FAM3C: variants seen among roughly 807,000 people sequenced by gnomAD.
The protein encoded by FAM3C is protein FAM3C.
FAM3C carries 15 observed loss-of-function variants against 32.5 expected under a neutral mutation model. That is an observed-to-expected ratio of 0.46 (90% CI 0.31 to 0.71). The LOEUF (loss-of-function observed/expected upper bound fraction) is 0.71. FAM3C is among the 30% of genes least tolerant of loss of function. The pLI is 0.05. For missense variants in FAM3C, 175 were observed against 274.4 expected (o/e 0.64, Z 2.56); for synonymous variants, 75 against 86.1 (o/e 0.87, Z 0.72).
At position 121,350,110 on chromosome 7, in the gene FAM3C, A is replaced by G. The variant is rs1302015666; in HGVS notation, c.*351T>C. On this transcript the variant is annotated 3_prime_UTR_variant, in exon 10 of 10. Transcript: ENST00000359943. ...TCCACCCTAAAATCCCTATTATTCC[A>G]TGATATTTTCATAGCAACTAGTATA... The G allele has an allele frequency of 9.6e-6, 2 of 209,376 alleles. No individual in the cohort carries two copies. The highest frequency in any genetic ancestry group is 2.7e-5 in the African/African-American group (1 of 36,884). The allele number at this position is 209,376 out of a possible 1,614,324, so 13.0% of individuals were successfully genotyped here.
chr7:121,384,358 A>G (rs1794423385), intron 1 of FAM3C, among the ~76,000 whole-genome samples: 2 of 152,214 alleles, frequency 1.3e-5, no homozygotes, highest in African/African-American at 2.4e-5. Context: ...ATAAAAGCAG[A>G]AAAAAACCTC....
chr7:121,356,124 A>G (rs543830732), intron 8 of FAM3C, among the ~76,000 whole-genome samples: 114 of 152,256 alleles, frequency 7.5e-4, no homozygotes, highest in Non-Finnish European at 1.4e-3. Context: ...ATGTAATGTG[A>G]CTGTTTAAAG....
At chr7:121,361,518 T>C (rs1302319349) in intron 7 of FAM3C, among the ~76,000 whole-genome samples, 1 of 152,202 alleles carries the variant, frequency 6.6e-6, no homozygotes, top group East Asian at 1.9e-4. Context: ...ACATGACTGA[T>C]TTCAACAACA....
At chr7:121,382,914 T>A in intron 2 of FAM3C, 43 bp downstream of exon 2, 1 of 1,482,390 alleles carries the variant, frequency 6.7e-7, no homozygotes, top group Non-Finnish European at 9.3e-7. Flanking sequence ...ACAAACAGGT[T>A]ACACAAAAAG....
chr7:121,394,080 T>C (rs1794635384), intron 1 of FAM3C, among the ~76,000 whole-genome samples: 1 of 152,220 alleles, frequency 6.6e-6, no homozygotes. Context: ...GAAAATAAAG[T>C]AGCTTTGTGA....
chr7:121,382,891 T>C, intron 2 of FAM3C, 66 bp downstream of exon 2: 3 of 1,159,886 alleles, frequency 2.6e-6, no homozygotes, highest in Non-Finnish European at 3.8e-6. Flanking sequence ...ACCTCTCCTT[T>C]AGTTATTCTT....
At chr7:121,368,397 T>C (rs1397310808) in intron 5 of FAM3C, among the ~76,000 whole-genome samples, 1 of 152,216 alleles carries the variant, frequency 6.6e-6, no homozygotes, top group African/African-American at 2.4e-5. Context: ...GAGCAGGTGC[T>C]GTGAAAAGAC....
At chr7:121,362,682 A>T in intron 7 of FAM3C, 1 of 505,486 alleles carries the variant, frequency 2.0e-6, no homozygotes, top group South Asian at 3.0e-5. Context: ...ACTATCTTCA[A>T]TTATACACCA....
intron 1 of FAM3C, among the ~76,000 whole-genome samples, chr7:121,384,013 T>A (rs1794414118): frequency 6.6e-6 from 1 of 152,142 alleles, no homozygotes; most frequent in South Asian, 2.1e-4. Flanking sequence ...TAATGGCACA[T>A]CTCTGAAGGA....
rs1562888227 is a variant in FAM3C at position 121,371,434 on chromosome 7, GA to G, written c.149-12del. On this transcript the variant is annotated splice_polypyrimidine_tract_variant and intron_variant, in intron 4 of 9. Coordinates refer to ENST00000359943, the MANE Select transcript of FAM3C (RefSeq NM_014888.3). ...TGGGAGGCTTTGTAGCTTTGGGGGAGAAAACATGATGTCTTTTTTTAGAAAA... is the reference window on the plus strand; with the variant it reads ...TGGGAGGCTTTGTAGCTTTGGGGGAGAAACATGATGTCTTTTTTTAGAAAA... The G allele has an allele frequency of 6.2e-7, 1 of 1,612,358 alleles. No homozygotes were observed. Among genetic ancestry groups the G allele is most frequent in the Non-Finnish European group, 8.5e-7 (1 of 1,178,866 alleles).
intron 1 of FAM3C, among the ~76,000 whole-genome samples, chr7:121,391,327 T>C (rs553878620): frequency 1.3e-5 from 2 of 152,230 alleles, no homozygotes; most frequent in Non-Finnish European, 2.9e-5. Context: ...CAGGGAGAGA[T>C]GGATAGATGA....
intron 8 of FAM3C, among the ~76,000 whole-genome samples, chr7:121,354,818 C>G (rs2707491): frequency 6.6e-6 from 1 of 151,908 alleles, no homozygotes; most frequent in East Asian, 1.9e-4. Flanking sequence ...CGACTCTTTA[C>G]AAACAAACAG....
intron 1 of FAM3C, among the ~76,000 whole-genome samples, chr7:121,386,587 C>T (rs1388267033): frequency 6.6e-6 from 1 of 151,454 alleles, no homozygotes; most frequent in African/African-American, 2.4e-5. Context: ...CACGCACATA[C>T]AAATCATATA....
At chr7:121,388,260 A>ACACACT (rs756605972) in intron 1 of FAM3C, among the ~76,000 whole-genome samples, 11 of 149,926 alleles carry the variant, frequency 7.3e-5, no homozygotes. Context: ...ACACACACAC[A>ACACACT]CTCACACACT....
At chr7:121,380,733 T>TTTTATATA (rs1554375242) in intron 2 of FAM3C, among the ~76,000 whole-genome samples, 1 of 133,982 alleles carries the variant, frequency 7.5e-6, no homozygotes, top group African/African-American at 2.7e-5. Flanking sequence ...TACAAACATT[T>TTTTATATA]TATATATATA....
Position 121,362,884 on chromosome 7 carries a change from T to C in FAM3C, c.382+13A>G. 1 of 1,482,974 alleles carries C rather than the reference T, an allele frequency of 6.7e-7. No homozygotes were observed. Among genetic ancestry groups the C allele is most frequent in the South Asian group, 1.2e-5 (1 of 86,772 alleles). 91.9% of individuals were successfully genotyped at this position (1,482,974 alleles called of 1,614,324 possible). A position where few individuals can be genotyped will look rare whatever the true frequency, so the allele number is the denominator to read the frequency against. On this transcript the variant is annotated intron_variant, in intron 7 of 9. Transcript: ENST00000359943. ...TGCCAGCAAAAGAACACAGTCATGTTATTTATGCTTACCTCCTCCCCACAT... is the reference window on the plus strand; with the variant it reads ...TGCCAGCAAAAGAACACAGTCATGTCATTTATGCTTACCTCCTCCCCACAT...
intron 3 of FAM3C, among the ~76,000 whole-genome samples, chr7:121,377,232 T>G (rs1794256613): frequency 6.6e-6 from 1 of 152,182 alleles, no homozygotes; most frequent in South Asian, 2.1e-4. Context: ...CTGCCATGAT[T>G]GTAAGTTTCC....
intron 1 of FAM3C, among the ~76,000 whole-genome samples, chr7:121,389,326 G>A (rs530545059): frequency 5.1e-4 from 78 of 152,272 alleles, no homozygotes; most frequent in African/African-American, 1.8e-3. Flanking sequence ...GGATCAACAA[G>A]TATTTAACCA....
chr7:121,366,526 G>A (rs1052734170), intron 5 of FAM3C, among the ~76,000 whole-genome samples: 5 of 152,130 alleles, frequency 3.3e-5, no homozygotes, highest in Admixed American at 2.0e-4. Context: ...TTAGGGTTTG[G>A]GGGTGGGGAA....
Sources: allele counts gnomAD v4.1 joint callset (sites outside exome capture counted in the v4.1 genomes callset), GRCh38; gene constraint gnomAD v4.1.1; transcripts MANE v1.5; gene names NCBI Gene and HGNC (gene_info 2026-07-23, HGNC 2026-07-21).